Variants in SCFD2 observed in about 807,000 individuals in gnomAD.
SCFD2 encodes the protein sec1 family domain-containing protein 2.
A neutral mutation model predicts 58.9 loss-of-function variants in SCFD2; 54 were observed. The ratio of observed to expected loss-of-function variants is 0.92; its 90% CI spans 0.74 to 1.15. SCFD2 has a LOEUF of 1.15. Among genes scored for constraint, SCFD2 ranks in the 50% most tolerant of loss-of-function variants. The pLI, the probability that SCFD2 is intolerant of heterozygous loss-of-function variation, is 0.00. For missense variants in SCFD2, 805 were observed against 836.6 expected, an observed-to-expected ratio of 0.96 and a Z score of 0.47; for synonymous variants, 321 against 335.9, an observed-to-expected ratio of 0.96 and a Z score of 0.49.
intron 2 of SCFD2, among the ~76,000 whole-genome samples, chr4:53,348,945 T>A (rs1216434348): frequency 6.6e-6 from 1 of 152,138 alleles, no homozygotes; most frequent in African/African-American, 2.4e-5. Context: ...GGTCTCAAAC[T>A]CCTGACCTCA....
At chr4:53,314,782 G>C (rs373210503) in intron 2 of SCFD2, among the ~76,000 whole-genome samples, 3 of 152,216 alleles carry the variant, frequency 2.0e-5, no homozygotes, top group African/African-American at 4.8e-5. Context: ...TTTTTACACT[G>C]AGTTTAATGC....
intron 5 of SCFD2, among the ~76,000 whole-genome samples, chr4:53,142,775 G>T (rs1726208482): frequency 6.6e-6 from 1 of 152,102 alleles, no homozygotes; most frequent in Non-Finnish European, 1.5e-5. Flanking sequence ...CTTAGTAAGA[G>T]GTATGTCTAT....
At chr4:53,140,359 T>C (rs1726092111) in intron 5 of SCFD2, among the ~76,000 whole-genome samples, 1 of 101,398 alleles carries the variant, frequency 9.9e-6, no homozygotes, top group African/African-American at 3.7e-5. Flanking sequence ...AGAAAAATAG[T>C]ATGAGTAAAA....
At chr4:53,358,044 A>G (rs369868632) in intron 1 of SCFD2, among the ~76,000 whole-genome samples, 12 of 152,358 alleles carry the variant, frequency 7.9e-5, no homozygotes, top group African/African-American at 2.6e-4. Flanking sequence ...TGAAAATTAA[A>G]GGAATTTACA....
At chr4:52,932,012 C>G (rs1720009014) in intron 5 of SCFD2, among the ~76,000 whole-genome samples, 1 of 152,164 alleles carries the variant, frequency 6.6e-6, no homozygotes, top group African/African-American at 2.4e-5. Flanking sequence ...CCTGGAGGTG[C>G]AGGCCAAGAA....
At chr4:53,219,465 G>A (rs531831239) in intron 4 of SCFD2, among the ~76,000 whole-genome samples, 14 of 152,176 alleles carry the variant, frequency 9.2e-5, no homozygotes, top group African/African-American at 1.9e-4. Flanking sequence ...CTGGTGTGCC[G>A]TTTGCTAAGA....
intron 4 of SCFD2, among the ~76,000 whole-genome samples, chr4:53,179,268 C>G (rs1727457487): frequency 6.6e-6 from 1 of 152,130 alleles, no homozygotes; most frequent in African/African-American, 2.4e-5. Context: ...GGGTTACCCA[C>G]AAAGGGAAGC....
intron 4 of SCFD2, among the ~76,000 whole-genome samples, chr4:53,229,284 T>C (rs1400149102): frequency 6.6e-6 from 1 of 152,152 alleles, no homozygotes; most frequent in African/African-American, 2.4e-5. Flanking sequence ...AAAGTTCATA[T>C]GGAACCAAAA....
At chr4:53,268,990 G>A (rs1384002165) in intron 4 of SCFD2, among the ~76,000 whole-genome samples, 3 of 152,060 alleles carry the variant, frequency 2.0e-5, no homozygotes, top group East Asian at 3.9e-4. Context: ...ATGGAAAGGG[G>A]GAAAACTGGA....
At chr4:52,963,500 G>T (rs1030074513) in intron 5 of SCFD2, among the ~76,000 whole-genome samples, 13 of 152,150 alleles carry the variant, frequency 8.5e-5, no homozygotes, top group African/African-American at 2.9e-4. Context: ...TGTCTGTAAA[G>T]AATATTTTTA....
chr4:53,176,821 T>G (rs1170356674), intron 4 of SCFD2, among the ~76,000 whole-genome samples: 1 of 151,964 alleles, frequency 6.6e-6, no homozygotes, highest in Non-Finnish European at 1.5e-5. Flanking sequence ...TGGTGGTGGT[T>G]GCCTGTAATC....
At chr4:52,965,094 G>A (rs1056367858) in intron 5 of SCFD2, among the ~76,000 whole-genome samples, 1 of 151,978 alleles carries the variant, frequency 6.6e-6, no homozygotes, top group African/African-American at 2.4e-5. Flanking sequence ...ATTGAACACC[G>A]TCTACATGCC....
chr4:53,220,912 T>G (rs1357946017), intron 4 of SCFD2, among the ~76,000 whole-genome samples: 3 of 152,220 alleles, frequency 2.0e-5, no homozygotes, highest in Admixed American at 2.0e-4. Context: ...CCAATAAAGC[T>G]AAACAAAATT....
At chr4:53,129,990 T>C (rs1395229219) in intron 5 of SCFD2, among the ~76,000 whole-genome samples, 1 of 152,234 alleles carries the variant, frequency 6.6e-6, no homozygotes. Context: ...TTAGTTTACA[T>C]TTTATTCTGT....
chr4:53,364,586 T>C (rs1426017604), intron 1 of SCFD2, among the ~76,000 whole-genome samples: 2 of 152,220 alleles, frequency 1.3e-5, no homozygotes, highest in Non-Finnish European at 2.9e-5. Flanking sequence ...CAATTCTATT[T>C]CATCTCATTT....
At chr4:52,883,153 T>C (rs1359411308) in intron 8 of SCFD2, among the ~76,000 whole-genome samples, 1 of 152,182 alleles carries the variant, frequency 6.6e-6, no homozygotes, top group Non-Finnish European at 1.5e-5. Context: ...CTTCGTGTGT[T>C]GCTAGGGCAG....
chr4:53,280,903 T>TC (rs1731487863), intron 3 of SCFD2, among the ~76,000 whole-genome samples: 1 of 152,180 alleles, frequency 6.6e-6, no homozygotes, highest in Non-Finnish European at 1.5e-5. Context: ...TGAGATTTTT[T>TC]CCCCATTATT....
rs749582054 is a variant in SCFD2, at chr4:53,313,630, G to A, written c.1135+6C>T. 4.3e-6 allele frequency: 7 copies of A among 1,613,674 alleles called. No homozygotes were observed. Among genetic ancestry groups the A allele is most frequent in the Middle Eastern group, 1.6e-4 (1 of 6,082 alleles). ...GAGGCTGCCTGTGTCCTAGGTTTAG[G>A]CTTACCCATACTCATCTTGATTGGC... On this transcript the variant is annotated splice_donor_region_variant and intron_variant, in intron 3 of 8. Transcript: ENST00000401642.
At chr4:53,200,467 A>G (rs961257034) in intron 4 of SCFD2, among the ~76,000 whole-genome samples, 19 of 152,140 alleles carry the variant, frequency 1.2e-4, no homozygotes, top group African/African-American at 4.1e-4. Context: ...AAAAATTGCC[A>G]TAGTATCCTG....
Sources: gnomAD v4.1 joint callset for allele counts (sites outside exome capture counted in the v4.1 genomes callset) on GRCh38, gnomAD v4.1.1 for gene constraint, MANE v1.5 for transcripts, NCBI Gene and HGNC (gene_info 2026-07-23, HGNC 2026-07-21) for gene names.